The following DDR2 variants were observed in gnomAD, a reference collection of about 807,000 sequenced individuals.
The protein encoded by DDR2 is discoidin domain-containing receptor 2.
A neutral mutation model predicts 94.9 loss-of-function variants in DDR2; 27 were observed. That is an observed-to-expected ratio of 0.28 (90% CI 0.21 to 0.39). DDR2 has a LOEUF of 0.39. Among genes scored for constraint, DDR2 ranks in the 10% least tolerant of loss-of-function variants. The probability of loss-of-function intolerance (pLI) is 1.00; values close to 1 mark genes in which losing one functional copy is unlikely to be tolerated. For missense variants in DDR2, 783 were observed against 1,076.0 expected, an observed-to-expected ratio of 0.73 and a Z score of 3.81; for synonymous variants, 382 against 377.2, an observed-to-expected ratio of 1.01 and a Z score of -0.15.
At chr1:162,764,698 G>A (rs577931286) in intron 9 of DDR2, among the ~76,000 whole-genome samples, 7 of 151,978 alleles carry the variant, frequency 4.6e-5, no homozygotes, top group South Asian at 2.1e-4. Flanking sequence ...GTGGTGGCAC[G>A]TGCTTGCAGT....
chr1:162,718,783 T>C (rs913164828), intron 2 of DDR2, among the ~76,000 whole-genome samples: 4 of 152,194 alleles, frequency 2.6e-5, no homozygotes, highest in South Asian at 2.1e-4. Flanking sequence ...ACTTCGTGTG[T>C]CTGACTATAC....
intron 3 of DDR2, among the ~76,000 whole-genome samples, chr1:162,733,190 G>A (rs1167666342): frequency 1.3e-5 from 2 of 152,216 alleles, no homozygotes; most frequent in African/African-American, 4.8e-5. Context: ...ATAGAACAAA[G>A]ACAGACTGGT....
At chr1:162,759,631 G>T (rs541237525) in intron 7 of DDR2, among the ~76,000 whole-genome samples, 165 bp from the exon 8 acceptor site, 1 of 152,086 alleles carries the variant, frequency 6.6e-6, no homozygotes, top group East Asian at 1.9e-4. Context: ...CAAGATAAAC[G>T]AGTCAATACT....
At chr1:162,778,767 T>G (rs1034630817) in intron 17 of DDR2, 38 bp downstream of exon 17, 3 of 1,613,106 alleles carry the variant, frequency 1.9e-6, no homozygotes, top group African/African-American at 1.3e-5. Flanking sequence ...TGGACCTGTG[T>G]ACCTTGAAGG....
intron 2 of DDR2, among the ~76,000 whole-genome samples, chr1:162,709,921 T>C (rs1660820900): frequency 1.3e-5 from 2 of 152,218 alleles, no homozygotes; most frequent in African/African-American, 2.4e-5. Flanking sequence ...GAAAATGCTC[T>C]GCCTTCAGTT....
intron 2 of DDR2, among the ~76,000 whole-genome samples, chr1:162,670,058 T>G (rs1275583540): frequency 6.6e-6 from 1 of 152,226 alleles, no homozygotes; most frequent in East Asian, 1.9e-4. Context: ...AAGGTTTAAG[T>G]TCTCCCTGTA....
At chr1:162,715,301 T>C (rs780067327) in intron 2 of DDR2, among the ~76,000 whole-genome samples, 1 of 152,132 alleles carries the variant, frequency 6.6e-6, no homozygotes, top group African/African-American at 2.4e-5. Context: ...GCAATGAATA[T>C]ATAATGAGAA....
intron 3 of DDR2, among the ~76,000 whole-genome samples, chr1:162,728,710 C>T (rs952503561): frequency 6.6e-6 from 1 of 152,116 alleles, no homozygotes; most frequent in Non-Finnish European, 1.5e-5. Flanking sequence ...GCTCTCTGTC[C>T]AGATTCTTCC....
At position 162,775,574 on chromosome 1, in the gene DDR2, G is replaced by C. The variant is rs2102194591; in HGVS notation, c.1857-78G>C. The C allele has an allele frequency of 2.0e-6, 3 of 1,480,608 alleles. No homozygotes were observed. In the South Asian group the frequency reaches 3.4e-5, roughly 17 times the overall value. 91.7% of individuals were successfully genotyped at this position (1,480,608 alleles called of 1,614,324 possible). A position where few individuals can be genotyped will look rare whatever the true frequency, so the allele number is the denominator to read the frequency against. ...GATTTGGCATAATGTCCAGGAATAG[G>C]CCTTGGTGTGCATTCTTCTCTCTCT... On this transcript the variant is annotated intron_variant, in intron 14 of 17. Transcript: ENST00000367921.
intron 2 of DDR2, among the ~76,000 whole-genome samples, chr1:162,684,022 A>G (rs567665659): frequency 6.6e-6 from 1 of 152,330 alleles, no homozygotes; most frequent in Non-Finnish European, 1.5e-5. Context: ...GCTGTGTGGT[A>G]TTGACAGAAG....
chr1:162,787,132 T>C lies in DDR2; in HGVS notation c.*6886T>C, dbSNP rs1648181276. 6.6e-6 allele frequency: 1 copy of C among 152,194 alleles called. No homozygotes were observed. The highest frequency in any genetic ancestry group is 6.5e-5 in the Admixed American group (1 of 15,270). The allele number at this position is 152,194 out of a possible 1,614,324, so 9.4% of individuals were successfully genotyped here. ...AATATTTCTCAGAATATGTGAGTTT[T>C]CTGAGCACATTTTTCAGCATGGGGT... On this transcript the variant is annotated 3_prime_UTR_variant, in exon 18 of 18. Transcript: ENST00000367921.
chr1:162,679,795 C>CTGTTT (rs1305414732), intron 2 of DDR2, among the ~76,000 whole-genome samples: 2 of 151,904 alleles, frequency 1.3e-5, no homozygotes, highest in African/African-American at 4.8e-5. Flanking sequence ...TTGCCAACAT[C>CTGTTT]TGTTTTGTTT....
intron 11 of DDR2, among the ~76,000 whole-genome samples, chr1:162,769,808 A>G (rs1664176068): frequency 6.6e-6 from 1 of 152,204 alleles, no homozygotes; most frequent in African/African-American, 2.4e-5. Context: ...TAGTGAAAAT[A>G]TGGGTCAGTG....
chr1:162,646,120 C>G (rs571497824), intron 1 of DDR2, among the ~76,000 whole-genome samples: 2 of 152,276 alleles, frequency 1.3e-5, no homozygotes, highest in East Asian at 3.9e-4. Context: ...TTTCACTGGG[C>G]ATTTGTGCAA....
intron 6 of DDR2, 75 bp from the exon 7 acceptor site, chr1:162,755,589 C>T: frequency 7.2e-7 from 1 of 1,392,680 alleles, no homozygotes; most frequent in Non-Finnish European, 1.0e-6. Flanking sequence ...AAGCTTATAC[C>T]CTTGAAACTC....
intron 2 of DDR2, among the ~76,000 whole-genome samples, chr1:162,688,695 G>A (rs2101971385): frequency 6.6e-6 from 1 of 152,366 alleles, no homozygotes; most frequent in South Asian, 2.1e-4. Context: ...GAGGAGGGAT[G>A]TCTGTGGAGC....
intron 3 of DDR2, among the ~76,000 whole-genome samples, chr1:162,737,112 C>CTT (rs146007655): frequency 5.6e-5 from 8 of 144,052 alleles, no homozygotes; most frequent in Admixed American, 4.1e-4. Flanking sequence ...TTTTTCGTTT[C>CTT]TTTTTTTTTA....
chr1:162,743,945 C>T (rs1227380084), intron 3 of DDR2, among the ~76,000 whole-genome samples: 1 of 152,216 alleles, frequency 6.6e-6, no homozygotes, highest in African/African-American at 2.4e-5. Context: ...TCTAAAGTTA[C>T]ATATAAATGG....
intron 3 of DDR2, among the ~76,000 whole-genome samples, chr1:162,737,212 G>A (rs1662349373): frequency 6.8e-6 from 1 of 146,156 alleles, no homozygotes. Flanking sequence ...CATTGTGCAG[G>A]TTAGTTACAT....
Sources: gnomAD v4.1 joint callset for allele counts (sites outside exome capture counted in the v4.1 genomes callset) on GRCh38, gnomAD v4.1.1 for gene constraint, MANE v1.5 for transcripts, NCBI Gene and HGNC (gene_info 2026-07-23, HGNC 2026-07-21) for gene names.